DMTF1: variants seen among roughly 807,000 people sequenced by gnomAD.
DMTF1 encodes the protein cyclin-D-binding Myb-like transcription factor 1.
In DMTF1, 39 loss-of-function variants were observed where a neutral mutation model predicts 91.1. That is an observed-to-expected ratio of 0.43 (90% CI 0.33 to 0.56). The LOEUF (loss-of-function observed/expected upper bound fraction) is 0.56, where lower values mean the gene tolerates loss of function less well. Ranked by LOEUF, DMTF1 falls within the 20% of genes least tolerant of loss-of-function variation. The probability of loss-of-function intolerance (pLI) is 0.05; values close to 1 mark genes in which losing one functional copy is unlikely to be tolerated. For synonymous variants in DMTF1, 338 were observed against 309.5 expected, an observed-to-expected ratio of 1.09 and a Z score of -0.97; for missense variants, 750 against 914.5, an observed-to-expected ratio of 0.82 and a Z score of 2.32.
intron 6 of DMTF1, 45 bp downstream of exon 6, chr7:87,173,694 A>C: frequency 1.1e-5 from 14 of 1,293,284 alleles, no homozygotes; most frequent in Non-Finnish European, 1.5e-5. Flanking sequence ...AAAAAAATGG[A>C]GATAGAAAGG....
At chr7:87,179,425 ATATAT>A in intron 7 of DMTF1, 115 bp from the exon 8 acceptor site, 3 of 692,832 alleles carry the variant, frequency 4.3e-6, no homozygotes, top group African/African-American at 1.9e-5. Context: ...TGAATTAGTG[ATATAT>A]TATTTTTCTA....
intron 4 of DMTF1, among the ~76,000 whole-genome samples, chr7:87,168,785 C>T (rs929236111): frequency 6.6e-6 from 1 of 152,172 alleles, no homozygotes; most frequent in Non-Finnish European, 1.5e-5. Flanking sequence ...TAATGCTGCC[C>T]ACCAGTAACA....
chr7:87,194,270 G>A, intron 16 of DMTF1, 168 bp downstream of exon 16: 1 of 688,362 alleles, frequency 1.5e-6, no homozygotes. Context: ...TCCTGTGGCA[G>A]TCAGGAAGAA....
chr7:87,194,499 C>CATA lies in DMTF1; in HGVS notation c.2029-185_2029-184insATA. On this transcript the variant is annotated intron_variant, in intron 16 of 17. Transcript: ENST00000331242. ...ATAACTGACCTAGTCCTTATGAGTT[C>CATA]CTTTTGTTAAAAGTATGTTAGATTG... The CATA allele has an allele frequency of 6.1e-6, 3 of 491,338 alleles. 1 individual carries two copies. The South Asian group carries it at 9.6e-5, about 16-fold the overall frequency. The allele number at this position is 491,338 out of a possible 1,614,324, so 30.4% of individuals were successfully genotyped here.
At chr7:87,181,141 C>T (rs1463902107) in intron 8 of DMTF1, 168 bp from the exon 9 acceptor site, 1 of 440,834 alleles carries the variant, frequency 2.3e-6, no homozygotes, top group Non-Finnish European at 4.3e-6. Context: ...TGAGCCGCAC[C>T]CTGCCTATTC....
At position 87,182,037 on chromosome 7, in the gene DMTF1, GT is replaced by G. The variant is rs576796206; in HGVS notation, c.711-182del. 2.1e-4 allele frequency: 321 copies of G among 1,497,604 alleles called. 1 individual carries two copies. The highest frequency in any genetic ancestry group is 1.0e-3 in the Middle Eastern group (6 of 5,836). 92.8% of individuals were successfully genotyped at this position (1,497,604 alleles called of 1,614,324 possible). On this transcript the variant is annotated intron_variant, in intron 9 of 17. Coordinates refer to ENST00000331242, the MANE Select transcript of DMTF1 (RefSeq NM_001142327.2). ...CCCAGGAAAAAGGCAATTGCTGCCTGTTTTTTTTTCACCCACAGACAACTGT... is the reference window on the plus strand; with the variant it reads ...CCCAGGAAAAAGGCAATTGCTGCCTGTTTTTTTTCACCCACAGACAACTGT...
chr7:87,179,485 T>C (rs1796910314), intron 7 of DMTF1, 60 bp from the exon 8 acceptor site: 10 of 1,361,702 alleles, frequency 7.3e-6, no homozygotes, highest in Middle Eastern at 1.9e-4. Context: ...TTTAAAAGCA[T>C]AGTATATCCA....
rs553166324 is a variant in DMTF1, at chr7:87,180,703, T to G, written c.678-606T>G. On this transcript the variant is annotated intron_variant, in intron 8 of 17. Coordinates refer to ENST00000331242, the MANE Select transcript of DMTF1 (RefSeq NM_001142327.2). ...ATTTGAGAGTGCCAAAATCTAAGTT[T>G]GAAATAAAGGAACTGTTAGACAGCA... is the stretch of plus-strand genomic sequence containing the variant. Among the ~76,000 whole-genome samples the G allele has an allele frequency of 9.2e-5, 14 of 152,284 alleles. No homozygotes were observed. The East Asian group carries it at 2.7e-3, about 29-fold the overall frequency.
intron 12 of DMTF1, chr7:87,186,926 G>T (rs997590931): frequency 6.6e-6 from 1 of 152,172 alleles, no homozygotes; most frequent in African/African-American, 2.4e-5. Flanking sequence ...GTCAACTTTT[G>T]TGAGTTGTAT....
chr7:87,188,346 A>G (rs766925573), intron 13 of DMTF1, 45 bp downstream of exon 13: 2 of 1,596,322 alleles, frequency 1.3e-6, no homozygotes, highest in East Asian at 4.5e-5. Context: ...GATCTATATG[A>G]TTTGGTTAAT....
At chr7:87,189,282 A>G (rs1195487150) in intron 13 of DMTF1, among the ~76,000 whole-genome samples, 1 of 152,176 alleles carries the variant, frequency 6.6e-6, no homozygotes, top group African/African-American at 2.4e-5. Flanking sequence ...GAGTTACCTT[A>G]GAGACATTTA....
intron 5 of DMTF1, 64 bp from the exon 6 acceptor site, chr7:87,173,471 T>G: frequency 9.6e-7 from 1 of 1,038,292 alleles, no homozygotes; most frequent in Non-Finnish European, 1.4e-6. Flanking sequence ...GGTTGAGCAT[T>G]AAATCAAGCT....
chr7:87,173,481 TGCC>T (rs1445696777), intron 5 of DMTF1, 51 bp from the exon 6 acceptor site: 1 of 1,177,990 alleles, frequency 8.5e-7, no homozygotes, highest in Non-Finnish European at 1.2e-6. Context: ...TAAATCAAGC[TGCC>T]ATTTTTTTGT....
chr7:87,193,996 C>G lies in DMTF1; in HGVS notation c.1922C>G (p.Thr641Arg), dbSNP rs1325750451. The G allele has an allele frequency of 3.1e-6, 5 of 1,613,240 alleles. No individual in the cohort carries two copies. Among genetic ancestry groups the G allele is most frequent in the Non-Finnish European group, 4.2e-6 (5 of 1,179,566 alleles). Residue 641 changes from threonine (T) to arginine (R), a missense_variant, in exon 16 of 18, where the codon ACA (threonine) becomes AGA (arginine). This residue lies in a region of DMTF1 where 410 missense variants were observed against 420.2 expected (regional missense o/e 0.98). Coordinates refer to ENST00000331242, the MANE Select transcript of DMTF1 (RefSeq NM_001142327.2). The part of the protein sequence containing the change: ...HVSKFSDQNS[T>R]ELMNSVMVRT... ...TCCAAATTCAGTGACCAAAATAGCACAGAACTGATGAATAGTGTTATGGTC... is the reference window on the plus strand; with the variant it reads ...TCCAAATTCAGTGACCAAAATAGCAGAGAACTGATGAATAGTGTTATGGTC...
At chr7:87,152,711 A>C (rs1259299207) in intron 1 of DMTF1, 156 bp downstream of exon 1, 1 of 153,718 alleles carries the variant, frequency 6.5e-6, no homozygotes, top group Non-Finnish European at 1.5e-5. Flanking sequence ...GGCCTTCCTG[A>C]CGTTGCAGCT....
intron 1 of DMTF1, among the ~76,000 whole-genome samples, chr7:87,157,301 C>T (rs1374614706): frequency 6.6e-6 from 1 of 152,096 alleles, no homozygotes; most frequent in Non-Finnish European, 1.5e-5. Context: ...TGTTTTATAT[C>T]ATGTGGTCTC....
At position 87,196,137 on chromosome 7, in the gene DMTF1, T is replaced by C. The variant is rs981382547; in HGVS notation, c.*997T>C. On this transcript the variant is annotated 3_prime_UTR_variant, in exon 18 of 18. Transcript: ENST00000331242. ...GGCTTTTTAATGAATATGACCCCTA[T>C]AGAAAAGTCAAGAAAAAAAAACCCT... is the stretch of plus-strand genomic sequence containing the variant. 9.1e-5 allele frequency: 14 copies of C among 153,336 alleles called. No individual in the cohort carries two copies. The highest frequency in any genetic ancestry group is 3.1e-4 in the African/African-American group (13 of 41,430). 9.5% of individuals were successfully genotyped at this position (153,336 alleles called of 1,614,324 possible).
chr7:87,162,223 A>G (rs1246667120), intron 1 of DMTF1, among the ~76,000 whole-genome samples: 1 of 152,044 alleles, frequency 6.6e-6, no homozygotes, highest in African/African-American at 2.4e-5. Flanking sequence ...ATAGGCATAC[A>G]CCACCACACC....
intron 14 of DMTF1, 104 bp downstream of exon 14, chr7:87,191,131 A>G (rs1225022641): frequency 1.5e-5 from 11 of 717,300 alleles, no homozygotes; most frequent in Non-Finnish European, 2.3e-5. Flanking sequence ...GTCTGAGGCC[A>G]AATGAATGGT....
Sources: allele counts gnomAD v4.1 joint callset (sites outside exome capture counted in the v4.1 genomes callset), GRCh38; gene constraint gnomAD v4.1.1; regional missense constraint gnomAD v4.1.1; transcripts MANE v1.5; gene names NCBI Gene and HGNC (gene_info 2026-07-23, HGNC 2026-07-21).